ATP2C1: variants seen among roughly 807,000 people sequenced by gnomAD.
ATP2C1 encodes calcium-transporting ATPase type 2C member 1.
In ATP2C1, 31 loss-of-function variants were observed where a neutral mutation model predicts 120.5. That is an observed-to-expected ratio of 0.26 (90% CI 0.19 to 0.35). ATP2C1 has a LOEUF of 0.35. Among genes scored for constraint, ATP2C1 ranks in the 10% least tolerant of loss-of-function variants. ATP2C1 has a pLI of 1.00. For missense variants in ATP2C1, 731 were observed against 1,107.5 expected, an observed-to-expected ratio of 0.66 and a Z score of 4.83; for synonymous variants, 351 against 358.7, an observed-to-expected ratio of 0.98 and a Z score of 0.24.
intron 2 of ATP2C1, chr3:130,918,783 AG>A (rs2058801433): frequency 2.7e-6 from 1 of 368,950 alleles, no homozygotes; most frequent in Non-Finnish European, 5.2e-6. Context: ...TGAGGTCAGG[AG>A]ATCGAGACCA....
intron 27 of ATP2C1, 66 bp from the exon 28 acceptor site, chr3:131,001,153 TA>T: frequency 8.1e-7 from 1 of 1,232,526 alleles, no homozygotes; most frequent in Non-Finnish European, 1.2e-6. Flanking sequence ...TAGAAAAATG[TA>T]AGCTATTAAG....
exon 27 of ATP2C1, chr3:131,016,448 A>G: frequency 1.6e-6 from 2 of 1,259,764 alleles, no homozygotes; most frequent in South Asian, 2.7e-5. Context: ...AATTTAAAAA[A>G]ACTAAGATGT....
At position 131,002,121 on chromosome 3, in the gene ATP2C1, C is replaced by T; in HGVS notation, c.*771C>T. On this transcript the variant is annotated 3_prime_UTR_variant, in exon 28 of 28. Transcript: ENST00000510168. ...CATAATTAACGCTTAGTCATAGAGT[C>T]AAAAACATTTAAGACTGATTGGGTT... 3.0e-6 allele frequency: 3 copies of T among 985,056 alleles called. No homozygotes were observed. Among genetic ancestry groups the T allele is most frequent in the Non-Finnish European group, 3.6e-6 (3 of 829,618 alleles). The allele number at this position is 985,056 out of a possible 1,614,324, so 61.0% of individuals were successfully genotyped here.
intron 2 of ATP2C1, among the ~76,000 whole-genome samples, chr3:130,901,047 CTGT>C (rs986737635): frequency 2.6e-5 from 4 of 152,106 alleles, no homozygotes; most frequent in African/African-American, 9.7e-5. Context: ...CTTACTTGCT[CTGT>C]TGAGTGTCAG....
upstream of ATP2C1, among the ~76,000 whole-genome samples, chr3:130,892,467 C>CT (rs1340307961): frequency 6.6e-6 from 1 of 150,396 alleles, no homozygotes; most frequent in Non-Finnish European, 1.5e-5. Flanking sequence ...ACTCCTAAGA[C>CT]TAGAAATCTA....
chr3:130,872,396 A>G (rs2068463101), intron 1 of ATP2C1, among the ~76,000 whole-genome samples: 1 of 152,180 alleles, frequency 6.6e-6, no homozygotes, highest in South Asian at 2.1e-4. Context: ...ACATATGTTT[A>G]ATATGTATTC....
chr3:130,909,095 T>C (rs2058270807), intron 2 of ATP2C1, among the ~76,000 whole-genome samples: 1 of 152,208 alleles, frequency 6.6e-6, no homozygotes, highest in South Asian at 2.1e-4. Flanking sequence ...GGGTTCATGC[T>C]CTGGAACTTA....
chr3:130,895,564 G>T (rs558529015), intron 2 of ATP2C1, among the ~76,000 whole-genome samples: 20 of 152,202 alleles, frequency 1.3e-4, no homozygotes, highest in Admixed American at 9.2e-4. Flanking sequence ...ACTTGTGCGT[G>T]ATCATTTTTT....
At chr3:130,897,349 A>T (rs1050213129) in intron 2 of ATP2C1, among the ~76,000 whole-genome samples, 2 of 152,188 alleles carry the variant, frequency 1.3e-5, no homozygotes, top group African/African-American at 2.4e-5. Context: ...GAAAAATCTG[A>T]CAAGTTACTA....
chr3:131,016,515 ACTGT>A, exon 27 of ATP2C1: 1 of 717,316 alleles, frequency 1.4e-6, no homozygotes, highest in Admixed American at 2.9e-5. Context: ...TTGATACTGA[ACTGT>A]CTTTTTAATG....
At chr3:130,915,249 A>G (rs1226578193) in intron 2 of ATP2C1, among the ~76,000 whole-genome samples, 1 of 151,962 alleles carries the variant, frequency 6.6e-6, no homozygotes, top group African/African-American at 2.4e-5. Flanking sequence ...GCCTGCCACT[A>G]CGTCCAGCTA....
At chr3:130,972,282 G>A (rs2061350082) in intron 17 of ATP2C1, among the ~76,000 whole-genome samples, 1 of 151,982 alleles carries the variant, frequency 6.6e-6, no homozygotes, top group African/African-American at 2.4e-5. Context: ...ACATACCATG[G>A]ACTGTACTGG....
intron 14 of ATP2C1, among the ~76,000 whole-genome samples, chr3:130,965,676 G>A (rs2061018532): frequency 6.6e-6 from 1 of 151,974 alleles, no homozygotes; most frequent in Non-Finnish European, 1.5e-5. Context: ...GAACTTTGCT[G>A]CCTTTGTCAC....
chr3:130,984,514 G>A (rs986211166), intron 20 of ATP2C1, among the ~76,000 whole-genome samples: 1 of 152,146 alleles, frequency 6.6e-6, no homozygotes, highest in African/African-American at 2.4e-5. Flanking sequence ...CCTCTAGCAA[G>A]TGGTTAGATT....
intron 4 of ATP2C1, among the ~76,000 whole-genome samples, chr3:130,933,434 ATTC>A (rs983847129): frequency 6.6e-5 from 10 of 152,312 alleles, no homozygotes; most frequent in African/African-American, 2.4e-4. Flanking sequence ...TTTAATGTAC[ATTC>A]TTAGTTAATC....
At chr3:130,926,374 G>A (rs1209156831) in intron 2 of ATP2C1, among the ~76,000 whole-genome samples, 1 of 152,180 alleles carries the variant, frequency 6.6e-6, no homozygotes, top group Non-Finnish European at 1.5e-5. Flanking sequence ...AAACTGGATA[G>A]CAAAACTACT....
intron 2 of ATP2C1, chr3:130,928,311 A>G (rs2059304488): frequency 6.6e-6 from 1 of 152,222 alleles, no homozygotes; most frequent in Admixed American, 6.5e-5. Flanking sequence ...TTTAGAGAGT[A>G]TCATGCCCCT....
intron 8 of ATP2C1, among the ~76,000 whole-genome samples, chr3:130,942,836 T>C (rs1426395777): frequency 6.6e-6 from 1 of 152,224 alleles, no homozygotes; most frequent in African/African-American, 2.4e-5. Flanking sequence ...CTTGAATTAT[T>C]CTTCCTCAGA....
At chr3:130,941,285 CGCGCATGCAT>C (rs2059908016) in intron 7 of ATP2C1, among the ~76,000 whole-genome samples, 1 of 146,706 alleles carries the variant, frequency 6.8e-6, no homozygotes, top group African/African-American at 2.7e-5. Context: ...TGCGCGCACG[CGCGCATGCAT>C]GCGCGTGTCC....
Sources: allele counts gnomAD v4.1 joint callset (sites outside exome capture counted in the v4.1 genomes callset), GRCh38; gene constraint gnomAD v4.1.1; transcripts MANE v1.5; gene names NCBI Gene and HGNC (gene_info 2026-07-23, HGNC 2026-07-21).